Variants in EYS observed in about 807,000 individuals in gnomAD.
EYS encodes the protein EGF-like photoreceptor maintenance factor, also known as protein eyes shut homolog.
In EYS, 250 loss-of-function variants were observed where a neutral mutation model predicts 282.1. That is an observed-to-expected ratio of 0.89 (90% CI 0.80 to 0.98). The LOEUF (loss-of-function observed/expected upper bound fraction) is 0.98. Among genes scored for constraint, EYS ranks in the 50% least tolerant of loss-of-function variants. The pLI, the probability that EYS is intolerant of heterozygous loss-of-function variation, is 0.00. For synonymous variants in EYS, 1,355 were observed against 1,282.9 expected (o/e 1.06, Z -1.20); for missense variants, 4,016 against 3,709.0 (o/e 1.08, Z -2.15).
chr6:64,030,367 G>A (rs1472723395), intron 33 of EYS, among the ~76,000 whole-genome samples: 2 of 152,204 alleles, frequency 1.3e-5, no homozygotes, highest in South Asian at 2.1e-4. Context: ...TAAGTGGAAT[G>A]TCGACCCATA....
chr6:63,983,064 A>G (rs1484926236), intron 35 of EYS, among the ~76,000 whole-genome samples: 1 of 151,814 alleles, frequency 6.6e-6, no homozygotes, highest in Non-Finnish European at 1.5e-5. Context: ...TTATAAAGCA[A>G]AATACTTATT....
chr6:64,175,695 T>C (rs900882660), intron 31 of EYS, among the ~76,000 whole-genome samples: 1 of 152,116 alleles, frequency 6.6e-6, no homozygotes, highest in Non-Finnish European at 1.5e-5. Context: ...CAGCACAGGA[T>C]GGGCATGAGG....
At chr6:65,256,381 C>T (rs1392762933) in intron 12 of EYS, among the ~76,000 whole-genome samples, 1 of 138,782 alleles carries the variant, frequency 7.2e-6, no homozygotes. Context: ...AACTCGTCAT[C>T]TAGCATTAGG....
intron 36 of EYS, among the ~76,000 whole-genome samples, chr6:63,827,866 A>AAAAT (rs1771518247): frequency 6.7e-6 from 1 of 148,408 alleles, no homozygotes; most frequent in Non-Finnish European, 1.5e-5. Context: ...AAAAAAAAAA[A>AAAAT]AAAAAGAAAT....
intron 34 of EYS, among the ~76,000 whole-genome samples, chr6:63,992,477 A>AT (rs1767646670): frequency 6.6e-6 from 1 of 151,826 alleles, no homozygotes; most frequent in Non-Finnish European, 1.5e-5. Context: ...AAATGAGGTT[A>AT]TTTTTATGAT....
At chr6:65,423,469 T>C (rs10944797) in intron 5 of EYS, among the ~76,000 whole-genome samples, 3 of 151,684 alleles carry the variant, frequency 2.0e-5, no homozygotes, top group African/African-American at 4.8e-5. Flanking sequence ...AATCACAGGG[T>C]CAGCTTTTTA....
intron 1 of EYS, among the ~76,000 whole-genome samples, chr6:65,669,072 T>C (rs145368902): frequency 6.6e-4 from 100 of 152,072 alleles, no homozygotes; most frequent in African/African-American, 2.0e-3. Context: ...TATATGGTTA[T>C]GATGTTATCT....
intron 36 of EYS, among the ~76,000 whole-genome samples, chr6:63,838,628 T>G (rs966060431): frequency 1.3e-5 from 2 of 152,120 alleles, no homozygotes; most frequent in African/African-American, 4.8e-5. Flanking sequence ...TTTCTTAGCA[T>G]TTTTCCCCTG....
intron 22 of EYS, among the ~76,000 whole-genome samples, chr6:64,630,678 ATCT>A (rs1767750112): frequency 6.6e-6 from 1 of 152,296 alleles, no homozygotes; most frequent in Non-Finnish European, 1.5e-5. Context: ...TAATGCAGTC[ATCT>A]TCTTGTTATT....
intron 13 of EYS, among the ~76,000 whole-genome samples, chr6:65,000,570 A>G (rs937846251): frequency 6.6e-6 from 1 of 152,132 alleles, no homozygotes; most frequent in African/African-American, 2.4e-5. Context: ...TCAGGAGTTC[A>G]AGACCAGCCT....
At chr6:65,290,548 C>A (rs1768496290) in intron 12 of EYS, among the ~76,000 whole-genome samples, 2 of 151,020 alleles carry the variant, frequency 1.3e-5, no homozygotes, top group African/African-American at 2.4e-5. Context: ...CTTAGCAAAT[C>A]CTAAGGAATT....
intron 31 of EYS, among the ~76,000 whole-genome samples, chr6:64,103,263 T>C (rs543943544): frequency 1.3e-5 from 2 of 152,270 alleles, no homozygotes; most frequent in East Asian, 3.9e-4. Flanking sequence ...TAAACTAACA[T>C]GAATACTATT....
chr6:64,766,651 T>A (rs991598475), intron 22 of EYS, among the ~76,000 whole-genome samples: 443 of 34,394 alleles, frequency 0.013, 7 homozygotes, highest in African/African-American at 0.045. Context: ...AAAAAAAAAA[T>A]ATATATATAT....
chr6:64,079,670 C>T lies in EYS; in HGVS notation c.6571+2186G>A, dbSNP rs558021183. Among the ~76,000 whole-genome samples, 285 of 152,112 alleles carry T rather than the reference C, an allele frequency of 1.9e-3. 1 individual carries two copies. The highest frequency in any genetic ancestry group is 3.2e-3 in the Non-Finnish European group (216 of 68,004). On this transcript the variant is annotated intron_variant, in intron 32 of 42. Transcript: ENST00000503581. ...CATGTGCCATGTTGGTGTGCTGCAC[C>T]TATTAACTCGTCATTTACATTAGGT...
intron 2 of EYS, among the ~76,000 whole-genome samples, chr6:65,561,209 C>T (rs946859722): frequency 6.6e-6 from 1 of 152,160 alleles, no homozygotes; most frequent in Non-Finnish European, 1.5e-5. Flanking sequence ...GACTGCCATC[C>T]ATAGGCAGAG....
chr6:64,678,056 A>T (rs1769756633), intron 22 of EYS, among the ~76,000 whole-genome samples: 1 of 152,106 alleles, frequency 6.6e-6, no homozygotes, highest in South Asian at 2.1e-4. Context: ...TTTTATATTT[A>T]CTTATGCCCA....
chr6:65,494,199 G>A (rs1326952066), intron 4 of EYS, among the ~76,000 whole-genome samples: 1 of 151,952 alleles, frequency 6.6e-6, no homozygotes, highest in Non-Finnish European at 1.5e-5. Context: ...ATTTGTATAT[G>A]TCCAGAATCT....
intron 1 of EYS, among the ~76,000 whole-genome samples, chr6:65,671,612 G>A (rs1348668255): frequency 1.3e-5 from 2 of 152,062 alleles, no homozygotes; most frequent in South Asian, 2.1e-4. Context: ...ACCCTCCTCT[G>A]AAAGGGACAC....
chr6:65,231,091 A>ATATATACTTTTATATATATGTATT (rs1766763095), intron 12 of EYS, among the ~76,000 whole-genome samples: 1 of 146,558 alleles, frequency 6.8e-6, no homozygotes, highest in South Asian at 2.1e-4. Flanking sequence ...ATGTGTATAT[A>ATATATACTTTTATATATATGTATT]TATATACTTT....
Sources: allele counts gnomAD v4.1 joint callset (sites outside exome capture counted in the v4.1 genomes callset), GRCh38; gene constraint gnomAD v4.1.1; transcripts MANE v1.5; gene names NCBI Gene and HGNC (gene_info 2026-07-23, HGNC 2026-07-21).